Variants in GALNT13 observed in about 807,000 individuals in gnomAD.
The protein encoded by GALNT13 is UDP-GalNAc:polypeptide N-acetylgalactosaminyltransferase 13.
GALNT13 carries 28 observed loss-of-function variants against 64.2 expected under a neutral mutation model. That is an observed-to-expected ratio of 0.44 (90% CI 0.32 to 0.60). The LOEUF (loss-of-function observed/expected upper bound fraction) is 0.60. Among genes scored for constraint, GALNT13 ranks in the 20% least tolerant of loss-of-function variants. The pLI, the probability that GALNT13 is intolerant of heterozygous loss-of-function variation, is 0.05. For missense variants in GALNT13, 577 were observed against 669.8 expected (o/e 0.86, Z 1.53); for synonymous variants, 214 against 224.6 (o/e 0.95, Z 0.42).
chr2:153,904,102 C>G (rs577496066), intron 2 of GALNT13, among the ~76,000 whole-genome samples: 2 of 151,776 alleles, frequency 1.3e-5, no homozygotes, highest in South Asian at 4.2e-4. Context: ...TGTATGGTGT[C>G]CTTTTCTGAA....
the GALNT13 span, among the ~76,000 whole-genome samples, chr2:153,442,601 C>T: frequency 6.6e-6 from 1 of 152,068 alleles, no homozygotes; most frequent in Non-Finnish European, 1.5e-5. Context: ...TGATAAATTA[C>T]TGCCTTAATT....
intron 3 of GALNT13, among the ~76,000 whole-genome samples, chr2:153,962,247 G>A (rs1474818865): frequency 1.3e-5 from 2 of 152,100 alleles, no homozygotes; most frequent in Non-Finnish European, 2.9e-5. Context: ...CTTTCTCCAC[G>A]ATATACAGAG....
At chr2:153,907,420 G>A (rs1688649898) in intron 2 of GALNT13, among the ~76,000 whole-genome samples, 1 of 151,260 alleles carries the variant, frequency 6.6e-6, no homozygotes, top group Non-Finnish European at 1.5e-5. Context: ...TTTTATTTTA[G>A]GTTTAGGGGT....
At chr2:153,086,464 C>G in the GALNT13 span, among the ~76,000 whole-genome samples, 1 of 152,134 alleles carries the variant, frequency 6.6e-6, no homozygotes, top group Non-Finnish European at 1.5e-5. Flanking sequence ...TTTTCCCATA[C>G]TGTTCTCATG....
chr2:153,236,611 C>G, the GALNT13 span, among the ~76,000 whole-genome samples: 1 of 152,014 alleles, frequency 6.6e-6, no homozygotes, highest in Non-Finnish European at 1.5e-5. Context: ...TATATGTTTA[C>G]AGTATGGTTT....
chr2:153,819,505 G>T, the GALNT13 span, among the ~76,000 whole-genome samples: 1 of 152,186 alleles, frequency 6.6e-6, no homozygotes, highest in African/African-American at 2.4e-5. Flanking sequence ...CCTTGTCAGG[G>T]CTGGTACCTG....
chr2:154,384,194 G>A (rs1698404391), intron 9 of GALNT13, among the ~76,000 whole-genome samples: 1 of 151,906 alleles, frequency 6.6e-6, no homozygotes, highest in Admixed American at 6.6e-5. Context: ...TGTTTTGCTA[G>A]TGACTAATAT....
At chr2:153,693,820 T>C in the GALNT13 span, among the ~76,000 whole-genome samples, 1 of 152,020 alleles carries the variant, frequency 6.6e-6, no homozygotes, top group Non-Finnish European at 1.5e-5. Flanking sequence ...ATTTTACATC[T>C]AATAAAGCAA....
the GALNT13 span, among the ~76,000 whole-genome samples, chr2:153,784,913 C>T: frequency 6.6e-6 from 1 of 152,138 alleles, no homozygotes; most frequent in Non-Finnish European, 1.5e-5. Flanking sequence ...GAATCTGAGA[C>T]AACTAGGGAC....
upstream of GALNT13, among the ~76,000 whole-genome samples, chr2:153,869,997 A>C (rs1190279678): frequency 6.6e-6 from 1 of 152,030 alleles, no homozygotes; most frequent in Non-Finnish European, 1.5e-5. Flanking sequence ...CAAAAGACAA[A>C]ACATTGCAGC....
intron 9 of GALNT13, among the ~76,000 whole-genome samples, chr2:154,364,279 G>A (rs1432012730): frequency 6.6e-6 from 1 of 152,184 alleles, no homozygotes; most frequent in Non-Finnish European, 1.5e-5. Context: ...TTTTGGGAGT[G>A]TAATAGTGCA....
chr2:153,274,930 G>A, the GALNT13 span, among the ~76,000 whole-genome samples: 1 of 152,022 alleles, frequency 6.6e-6, no homozygotes, highest in East Asian at 1.9e-4. Context: ...GCTACACTGT[G>A]GTCAGTTAGG....
At chr2:153,907,887 A>T (rs539506992) in intron 2 of GALNT13, among the ~76,000 whole-genome samples, 2 of 152,136 alleles carry the variant, frequency 1.3e-5, no homozygotes, top group South Asian at 4.1e-4. Flanking sequence ...ATGTGTCTTT[A>T]TGGTAGGATA....
At chr2:154,381,694 C>A (rs957447875) in intron 9 of GALNT13, among the ~76,000 whole-genome samples, 1 of 152,042 alleles carries the variant, frequency 6.6e-6, no homozygotes, top group Non-Finnish European at 1.5e-5. Context: ...CTGTTTCACC[C>A]AAGTCCAATC....
At chr2:153,737,609 T>A in the GALNT13 span, among the ~76,000 whole-genome samples, 1 of 152,162 alleles carries the variant, frequency 6.6e-6, no homozygotes, top group Non-Finnish European at 1.5e-5. Flanking sequence ...AAAGTCTTCC[T>A]TACATAACAA....
chr2:153,398,163 A>G, the GALNT13 span, among the ~76,000 whole-genome samples: 1 of 150,572 alleles, frequency 6.6e-6, no homozygotes, highest in Non-Finnish European at 1.5e-5. Flanking sequence ...ATGAGTGAGA[A>G]TATACGGTGT....
chr2:153,828,059 G>A, the GALNT13 span, among the ~76,000 whole-genome samples: 6 of 152,252 alleles, frequency 3.9e-5, no homozygotes, highest in Non-Finnish European at 8.8e-5. Context: ...GCAAGAGGCA[G>A]GTTCCCATAG....
intron 8 of GALNT13, among the ~76,000 whole-genome samples, chr2:154,283,222 T>A (rs1692063216): frequency 6.6e-6 from 1 of 152,138 alleles, no homozygotes; most frequent in Admixed American, 6.5e-5. Context: ...GGATTTTTTT[T>A]TATTATTTTT....
chr2:153,887,337 T>A lies in GALNT13; in HGVS notation c.-176-13599T>A, dbSNP rs148582664. On this transcript the variant is annotated intron_variant, in intron 1 of 12. Coordinates refer to ENST00000392825, the MANE Select transcript of GALNT13 (RefSeq NM_052917.4). The stretch of plus-strand genomic sequence containing the variant: ...CTCTCTTGGTATCTAGTGTGACAGG[T>A]GCCTAGTAAATTTGGCCTGCTTAAC... Among the ~76,000 whole-genome samples the A allele has an allele frequency of 3.0e-3, 457 of 150,064 alleles. 1 individual carries two copies. Among genetic ancestry groups the A allele is most frequent in the Non-Finnish European group, 5.3e-3 (357 of 67,602 alleles).
Sources: allele counts gnomAD v4.1 joint callset (sites outside exome capture counted in the v4.1 genomes callset), GRCh38; gene constraint gnomAD v4.1.1; transcripts MANE v1.5; gene names NCBI Gene and HGNC (gene_info 2026-07-23, HGNC 2026-07-21).